Variants in SLC17A6 observed in about 807,000 individuals in gnomAD.
The protein encoded by SLC17A6 is vesicular glutamate transporter 2.
In SLC17A6, 35 loss-of-function variants were observed where a neutral mutation model predicts 67.1. That is an observed-to-expected ratio of 0.52 (90% CI 0.40 to 0.69). The LOEUF is 0.69. SLC17A6 is among the 30% of genes least tolerant of loss of function. The probability of loss-of-function intolerance (pLI) is 0.00; values close to 1 mark genes in which losing one functional copy is unlikely to be tolerated. For synonymous variants in SLC17A6, 285 were observed against 252.3 expected, an observed-to-expected ratio of 1.13 and a Z score of -1.23; for missense variants, 588 against 723.9, an observed-to-expected ratio of 0.81 and a Z score of 2.15.
chr11:22,361,375 T>C (rs908148337), intron 5 of SLC17A6: 5 of 153,342 alleles, frequency 3.3e-5, no homozygotes, highest in African/African-American at 1.2e-4. Flanking sequence ...TTAGACTATG[T>C]ATTTATTTTT....
intron 3 of SLC17A6, among the ~76,000 whole-genome samples, chr11:22,354,811 G>T (rs1210500087): frequency 6.6e-6 from 1 of 152,162 alleles, no homozygotes; most frequent in Non-Finnish European, 1.5e-5. Context: ...AGTAAAGATG[G>T]CAGTAAGAGC....
chr11:22,371,412 T>A (rs1008231187), intron 8 of SLC17A6, among the ~76,000 whole-genome samples: 1 of 152,034 alleles, frequency 6.6e-6, no homozygotes, highest in African/African-American at 2.4e-5. Flanking sequence ...AAGGAAACTG[T>A]TTCCTCCATC....
intron 7 of SLC17A6, among the ~76,000 whole-genome samples, chr11:22,367,131 T>G (rs1856122390): frequency 6.6e-6 from 1 of 151,892 alleles, no homozygotes; most frequent in Non-Finnish European, 1.5e-5. Flanking sequence ...TGTCATACAC[T>G]AGTTGAAGAA....
intron 8 of SLC17A6, among the ~76,000 whole-genome samples, chr11:22,373,240 A>G (rs1856193884): frequency 6.6e-6 from 1 of 152,182 alleles, no homozygotes; most frequent in Admixed American, 6.5e-5. Context: ...GTTTATGTGG[A>G]CTTAGGCAAT....
chr11:22,352,209 G>A lies in SLC17A6; in HGVS notation c.459-7204G>A, dbSNP rs1855948310. Among the ~76,000 whole-genome samples the A allele has an allele frequency of 3.3e-5, 5 of 152,140 alleles. No homozygotes were observed. In the South Asian group the frequency reaches 1.0e-3, roughly 31 times the overall value. ...AATGTGATGGCTGCTAGTTTCAGGG[G>A]ATTCCAGTGTTCTTTGCAAGATGCA... On this transcript the variant is annotated intron_variant, in intron 3 of 11. Coordinates refer to ENST00000263160, the MANE Select transcript of SLC17A6 (RefSeq NM_020346.3).
chr11:22,348,724 AG>A (rs1407205886), intron 3 of SLC17A6, among the ~76,000 whole-genome samples: 1 of 152,224 alleles, frequency 6.6e-6, no homozygotes, highest in Non-Finnish European at 1.5e-5. Flanking sequence ...TATACTTAAA[AG>A]TGAGCAAACC....
intron 1 of SLC17A6, among the ~76,000 whole-genome samples, chr11:22,339,666 A>T (rs1450937993): frequency 6.6e-6 from 1 of 152,222 alleles, no homozygotes; most frequent in Non-Finnish European, 1.5e-5. Flanking sequence ...GGGAAATTGA[A>T]GTCTCTGTAA....
chr11:22,367,865 T>A (rs573725338), intron 7 of SLC17A6, among the ~76,000 whole-genome samples: 1 of 152,332 alleles, frequency 6.6e-6, no homozygotes, highest in Non-Finnish European at 1.5e-5. Context: ...ATGTTTCATA[T>A]GTTCCTGTAG....
At chr11:22,343,418 A>G (rs1855842044) in intron 3 of SLC17A6, 53 bp downstream of exon 3, 2 of 1,468,590 alleles carry the variant, frequency 1.4e-6, no homozygotes, top group Non-Finnish European at 1.9e-6. Context: ...TTTCCTCCGA[A>G]GGGGCAGCAG....
chr11:22,360,914 A>G lies in SLC17A6; in HGVS notation c.591A>G (p.Ala197=), dbSNP rs1289241772. Reference sequence around the variant, plus strand: ...CATCACAGGGTGTGACCTACCCAGCATGTCATGGGATATGGAGCAAATGGG... The same window carrying G: ...CATCACAGGGTGTGACCTACCCAGCGTGTCATGGGATATGGAGCAAATGGG... The part of the protein sequence containing the change: ...QGLVEGVTYP[A]CHGIWSKWAP... The change falls in exon 5 of 12, where the codon GCA becomes GCG. Residue 197 remains alanine (A), a synonymous_variant. Transcript: ENST00000263160. 3.1e-6 allele frequency: 5 copies of G among 1,613,854 alleles called. No homozygotes were observed. The highest frequency in any genetic ancestry group is 4.2e-6 in the Non-Finnish European group (5 of 1,179,890).
At chr11:22,349,336 C>T (rs1855911491) in intron 3 of SLC17A6, among the ~76,000 whole-genome samples, 1 of 152,180 alleles carries the variant, frequency 6.6e-6, no homozygotes, top group Admixed American at 6.5e-5. Context: ...GCCAATCAAA[C>T]ATCTAGCTGC....
Position 22,377,502 on chromosome 11 carries a change from C to A in SLC17A6, c.1511C>A (p.Pro504His). 1 of 1,614,002 alleles carries A rather than the reference C, an allele frequency of 6.2e-7. No homozygotes were observed. Among genetic ancestry groups the A allele is most frequent in the South Asian group, 1.1e-5 (1 of 91,052 alleles). Residue 504 changes from proline to histidine, a missense_variant, in exon 12 of 12, where the codon CCC becomes CAC. Physicochemically the swap from Pro to His is moderately conservative, Grantham distance 77. Transcript: ENST00000263160. ...YAIFASGEKQ[P>H]WADPEETSEE... ...ATATTTGCCTCAGGAGAGAAACAAC[C>A]CTGGGCAGACCCGGAGGAAACAAGT...
At chr11:22,368,351 C>G (rs1276557112) in intron 7 of SLC17A6, among the ~76,000 whole-genome samples, 1 of 151,934 alleles carries the variant, frequency 6.6e-6, no homozygotes, top group Admixed American at 6.6e-5. Context: ...TCTTTTAAAT[C>G]TGTTTTTCTT....
At chr11:22,368,864 A>G (rs2133875003) in intron 7 of SLC17A6, among the ~76,000 whole-genome samples, 1 of 152,202 alleles carries the variant, frequency 6.6e-6, no homozygotes, top group Non-Finnish European at 1.5e-5. Context: ...AATTCATTAC[A>G]TAGTATTAGG....
intron 2 of SLC17A6, 85 bp downstream of exon 2, chr11:22,341,865 C>A: frequency 1.9e-6 from 3 of 1,539,942 alleles, no homozygotes; most frequent in East Asian, 2.3e-5. Context: ...CCCCGTTCCC[C>A]CGCCACTGAG....
chr11:22,355,818 T>C (rs963134803), intron 3 of SLC17A6, among the ~76,000 whole-genome samples: 10 of 152,222 alleles, frequency 6.6e-5, no homozygotes, highest in Admixed American at 2.0e-4. Context: ...CTTTCTTCTT[T>C]TTTATATTAA....
intron 3 of SLC17A6, among the ~76,000 whole-genome samples, chr11:22,357,643 C>A (rs1174463652): frequency 6.6e-6 from 1 of 152,112 alleles, no homozygotes; most frequent in Non-Finnish European, 1.5e-5. Context: ...TATCACGAGA[C>A]AATCGTATTT....
At chr11:22,375,576 G>A (rs760140528) in intron 9 of SLC17A6, among the ~76,000 whole-genome samples, 1 of 151,640 alleles carries the variant, frequency 6.6e-6, no homozygotes, top group Admixed American at 6.6e-5. Context: ...CGCCTCCCGG[G>A]TTCAAGCGAT....
intron 5 of SLC17A6, among the ~76,000 whole-genome samples, chr11:22,361,663 G>C (rs1311632574): frequency 6.6e-6 from 1 of 152,096 alleles, no homozygotes; most frequent in Non-Finnish European, 1.5e-5. Context: ...ATGTATTAAA[G>C]CTTCAATCCC....
Sources: allele counts gnomAD v4.1 joint callset (sites outside exome capture counted in the v4.1 genomes callset), GRCh38; gene constraint gnomAD v4.1.1; transcripts MANE v1.5; gene names NCBI Gene and HGNC (gene_info 2026-07-23, HGNC 2026-07-21).